Variants in SRGAP3 observed in about 807,000 individuals in gnomAD.
SRGAP3 encodes SLIT-ROBO Rho GTPase-activating protein 3.
Under a neutral mutation model 121.1 loss-of-function variants are expected in SRGAP3, and 39 were observed. The observed-to-expected ratio is 0.32, with a 90% CI of 0.25 to 0.42. The LOEUF (loss-of-function observed/expected upper bound fraction) is 0.42, where lower values mean the gene tolerates loss of function less well. Among genes scored for constraint, SRGAP3 ranks in the 10% least tolerant of loss-of-function variants. The pLI is 1.00. For missense variants in SRGAP3, 1,213 were observed against 1,470.6 expected (o/e 0.82, Z 2.86); for synonymous variants, 601 against 570.0 (o/e 1.05, Z -0.77).
At position 9,173,108 on chromosome 3, in the gene SRGAP3, G is replaced by C. The variant is rs528946443; in HGVS notation, c.68-48191C>G. ...CTGGCGCAGTGATGCTGCTTGCACT[G>C]CTGGGAGGTATGGCCACATCTGGCC... is the stretch of plus-strand genomic sequence containing the variant. On this transcript the variant is annotated intron_variant, in intron 1 of 21. Coordinates refer to ENST00000383836, the MANE Select transcript of SRGAP3 (RefSeq NM_014850.4). 9.2e-5 allele frequency among the ~76,000 whole-genome samples: 14 copies of C among 152,320 alleles called. No homozygotes were observed. The East Asian group carries it at 2.7e-3, about 29-fold the overall frequency.
chr3:9,022,449 A>C (rs976476193), intron 14 of SRGAP3, among the ~76,000 whole-genome samples: 2 of 152,220 alleles, frequency 1.3e-5, no homozygotes, highest in Admixed American at 1.3e-4. Context: ...GCGAGAAGAG[A>C]AATATTGAGC....
At chr3:9,347,510 C>T (rs986166705) in intron 1 of SRGAP3, among the ~76,000 whole-genome samples, 1 of 152,188 alleles carries the variant, frequency 6.6e-6, no homozygotes, top group Non-Finnish European at 1.5e-5. Context: ...TAAGCATAAA[C>T]AAGGCTGTGT....
intron 1 of SRGAP3, chr3:9,349,031 G>A: frequency 4.2e-6 from 4 of 959,352 alleles, no homozygotes; most frequent in South Asian, 1.3e-5. Context: ...GCATCTGGAG[G>A]GCCTCTCTGA....
intron 15 of SRGAP3, among the ~76,000 whole-genome samples, chr3:9,014,458 A>G (rs138115105): frequency 3.5e-4 from 54 of 152,314 alleles, no homozygotes; most frequent in Non-Finnish European, 5.7e-4. Flanking sequence ...CAAGCTACCT[A>G]TCAGCCAAAG....
chr3:9,167,565 A>AG (rs906820527), intron 1 of SRGAP3, among the ~76,000 whole-genome samples: 1 of 152,052 alleles, frequency 6.6e-6, no homozygotes, highest in African/African-American at 2.4e-5. Flanking sequence ...GTCAACGCCT[A>AG]GGGGGGGAGC....
chr3:9,124,727 G>C lies in SRGAP3; in HGVS notation c.258C>G (p.Phe86Leu). 1 of 1,613,976 alleles carries C rather than the reference G, an allele frequency of 6.2e-7. No individual in the cohort carries two copies. The highest frequency in any genetic ancestry group is 8.5e-7 in the Non-Finnish European group (1 of 1,180,040). Residue 86 changes from phenylalanine (F) to leucine (L), a missense_variant and splice_region_variant, in exon 2 of 22, where the codon TTC becomes TTG. This residue lies in a region of SRGAP3 where 793 missense variants were observed against 1,032.9 expected (regional missense o/e 0.77). Coordinates refer to ENST00000383836, the MANE Select transcript of SRGAP3 (RefSeq NM_014850.4). ...TGCACCCATACCCAACTTCTTACTT[G>C]AACTGGTGCTCCCGGGAGCTGCGGA... is the stretch of plus-strand genomic sequence containing the variant. ...SKIRSSREHQFKKDQYLLSPV... is the reference protein window; with the variant it reads ...SKIRSSREHQLKKDQYLLSPV...
intron 3 of SRGAP3, among the ~76,000 whole-genome samples, chr3:9,302,927 A>T (rs923591969): frequency 6.7e-6 from 1 of 150,180 alleles, no homozygotes; most frequent in Non-Finnish European, 1.5e-5. Context: ...TAATACTTAA[A>T]GTACCTAATA....
At chr3:9,104,308 T>C (rs936479394) in intron 3 of SRGAP3, among the ~76,000 whole-genome samples, 3 of 152,196 alleles carry the variant, frequency 2.0e-5, no homozygotes, top group African/African-American at 7.2e-5. Context: ...ACACGAGAAA[T>C]TCCTAGGATA....
At chr3:9,138,928 A>T (rs1282210098) in intron 1 of SRGAP3, among the ~76,000 whole-genome samples, 1 of 147,364 alleles carries the variant, frequency 6.8e-6, no homozygotes, top group Non-Finnish European at 1.5e-5. Flanking sequence ...ATTTCAGATA[A>T]GGAATACTCA....
chr3:9,043,603 C>A (rs1246489506), intron 10 of SRGAP3, among the ~76,000 whole-genome samples: 1 of 152,140 alleles, frequency 6.6e-6, no homozygotes, highest in Non-Finnish European at 1.5e-5. Flanking sequence ...AAGAATCCCA[C>A]AACCAGCATC....
At chr3:9,040,034 T>C (rs140949973) in intron 10 of SRGAP3, among the ~76,000 whole-genome samples, 16 of 152,342 alleles carry the variant, frequency 1.1e-4, no homozygotes, top group African/African-American at 3.8e-4. Flanking sequence ...ACAGGTGCTC[T>C]CCTTGAAAAC....
intron 14 of SRGAP3, 137 bp from the exon 15 acceptor site, chr3:9,015,868 C>T (rs1366209199): frequency 4.4e-6 from 4 of 909,084 alleles, no homozygotes; most frequent in African/African-American, 1.7e-5. Flanking sequence ...ACATATGAGG[C>T]CCCCCACTTC....
At chr3:9,156,375 C>G (rs989799378) in intron 1 of SRGAP3, among the ~76,000 whole-genome samples, 3 of 152,186 alleles carry the variant, frequency 2.0e-5, no homozygotes, top group Admixed American at 1.3e-4. Context: ...CTTGGCCCAG[C>G]AGAGTTCCCA....
At chr3:9,217,732 T>G (rs1952680953) in intron 1 of SRGAP3, 1 of 152,158 alleles carries the variant, frequency 6.6e-6, no homozygotes, top group Non-Finnish European at 1.5e-5. Context: ...TTTTTTCAGG[T>G]TGCTCCAGTG....
At chr3:9,326,268 C>T (rs998604405) in intron 2 of SRGAP3, 6 of 151,820 alleles carry the variant, frequency 4.0e-5, no homozygotes, top group African/African-American at 9.7e-5. Context: ...AACAACAGCC[C>T]TCTTGCATGG....
intron 18 of SRGAP3, among the ~76,000 whole-genome samples, chr3:9,005,371 T>C (rs1167351459): frequency 6.6e-6 from 1 of 152,198 alleles, no homozygotes; most frequent in Non-Finnish European, 1.5e-5. Flanking sequence ...AGTCTGGCAG[T>C]TCCTTAAATG....
At chr3:9,049,666 G>A (rs1462090665) in intron 9 of SRGAP3, among the ~76,000 whole-genome samples, 9 of 152,122 alleles carry the variant, frequency 5.9e-5, no homozygotes, top group Admixed American at 5.9e-4. Flanking sequence ...TCCTGTTCTA[G>A]AATAACTCGA....
chr3:9,274,481 G>A (rs1954534622), intron 3 of SRGAP3, among the ~76,000 whole-genome samples: 1 of 152,180 alleles, frequency 6.6e-6, no homozygotes, highest in African/African-American at 2.4e-5. Flanking sequence ...ACTTCATGTG[G>A]CCCCACAGCA....
intron 13 of SRGAP3, among the ~76,000 whole-genome samples, chr3:9,026,250 T>G (rs1383753008): frequency 1.3e-5 from 2 of 152,218 alleles, no homozygotes; most frequent in African/African-American, 4.8e-5. Context: ...TTCTCTATCC[T>G]CTTTAAATTA....
Sources: gnomAD v4.1 joint callset for allele counts (sites outside exome capture counted in the v4.1 genomes callset) on GRCh38, gnomAD v4.1.1 for gene constraint, gnomAD v4.1.1 regional missense constraint, MANE v1.5 for transcripts, NCBI Gene and HGNC (gene_info 2026-07-23, HGNC 2026-07-21) for gene names.